Variants in USP35 observed in about 807,000 individuals in gnomAD.
USP35 encodes the protein ubiquitin carboxyl-terminal hydrolase 35.
Under a neutral mutation model 83.8 loss-of-function variants are expected in USP35, and 69 were observed. The ratio of observed to expected loss-of-function variants is 0.82; its 90% CI spans 0.68 to 1.01. The LOEUF is 1.01. Among genes scored for constraint, USP35 ranks in the 50% least tolerant of loss-of-function variants. The pLI, the probability that USP35 is intolerant of heterozygous loss-of-function variation, is 0.00. For synonymous variants in USP35, 714 were observed against 589.5 expected (o/e 1.21, Z -3.06); for missense variants, 1,503 against 1,362.5 (o/e 1.10, Z -1.62).
At chr11:78,230,221 G>C in the USP35 span, among the ~76,000 whole-genome samples, 1 of 152,250 alleles carries the variant, frequency 6.6e-6, no homozygotes, top group Non-Finnish European at 1.5e-5. Context: ...CTGATCAGCA[G>C]ATCAAAGCCC....
chr11:78,201,872 G>A (rs1470365730), intron 6 of USP35, among the ~76,000 whole-genome samples: 2 of 152,182 alleles, frequency 1.3e-5, no homozygotes, highest in Non-Finnish European at 2.9e-5. Flanking sequence ...GGCAGGTTGG[G>A]TGGGGTGAAG....
chr11:78,219,219 G>C, downstream of USP35: 1 of 1,567,042 alleles, frequency 6.4e-7, no homozygotes, highest in East Asian at 2.3e-5. Context: ...AGGGGAGATG[G>C]GAAGGGCCAG....
rs115952352 is a variant in USP35, at chr11:78,197,008, C to T, written c.673+90C>T. ...GGCTGTACGTGTGGATTTGTGCATG[C>T]GGGCGCCCGTGTGGCACGAGTGTGC... On this transcript the variant is annotated intron_variant, in intron 2 of 10. Coordinates refer to ENST00000529308, the MANE Select transcript of USP35 (RefSeq NM_020798.4). 3,004 of 1,377,366 alleles carry T rather than the reference C, an allele frequency of 2.2e-3. 55 individuals carry two copies. In the African/African-American group the frequency reaches 0.041, roughly 19 times the overall value. 85.3% of individuals were successfully genotyped at this position (1,377,366 alleles called of 1,614,324 possible).
chr11:78,219,848 A>G (rs1215039981), downstream of USP35, among the ~76,000 whole-genome samples: 1 of 152,174 alleles, frequency 6.6e-6, no homozygotes, highest in African/African-American at 2.4e-5. Context: ...GCTGAGGCAC[A>G]GCTCTGCACC....
intron 10 of USP35, among the ~76,000 whole-genome samples, chr11:78,212,360 A>T (rs574421689): frequency 2.0e-5 from 3 of 152,324 alleles, no homozygotes; most frequent in African/African-American, 7.2e-5. Flanking sequence ...CATAGTTTGA[A>T]GTCAGGTAGG....
the USP35 span, chr11:78,220,548 C>G: frequency 1.1e-6 from 1 of 932,800 alleles, no homozygotes; most frequent in Admixed American, 2.6e-5. Flanking sequence ...CTGAGCCCTA[C>G]TCTGACACAT....
chr11:78,235,004 T>C, the USP35 span, among the ~76,000 whole-genome samples: 2 of 151,940 alleles, frequency 1.3e-5, no homozygotes, highest in Non-Finnish European at 2.9e-5. Flanking sequence ...AGCGACAGAC[T>C]TTCTCCTCCC....
In USP35 at chr11:78,199,537, C is replaced by G; in HGVS notation, c.807-58C>G. 3.7e-6 allele frequency: 6 copies of G among 1,610,480 alleles called. No individual in the cohort carries two copies. The South Asian group carries it at 5.5e-5, about 15-fold the overall frequency. ...CATTACGGATAGCCCCTGGGCTGCC[C>G]TCACCCCAGCATTTTGGGTGTCCCT... On this transcript the variant is annotated intron_variant, in intron 3 of 10. Transcript: ENST00000529308.
At chr11:78,200,990 T>G (rs1863338945) in intron 6 of USP35, among the ~76,000 whole-genome samples, 182 bp downstream of exon 6, 1 of 152,214 alleles carries the variant, frequency 6.6e-6, no homozygotes, top group African/African-American at 2.4e-5. Context: ...GTTCCCCAAG[T>G]AGGCTGGGCT....
At chr11:78,227,510 A>G in the USP35 span, among the ~76,000 whole-genome samples, 1 of 152,050 alleles carries the variant, frequency 6.6e-6, no homozygotes, top group Non-Finnish European at 1.5e-5. Flanking sequence ...TATTTGGGTC[A>G]GGTGCAGTGT....
chr11:78,217,736 A>G (rs1434908820), downstream of USP35: 2 of 152,218 alleles, frequency 1.3e-5, no homozygotes, highest in Non-Finnish European at 2.9e-5. Context: ...TGGCCTTTCA[A>G]ACCTGGGGAG....
In USP35 at chr11:78,214,932, G is replaced by A. The variant is rs764183413; in HGVS notation, c.*1119G>A. Among the ~76,000 whole-genome samples the A allele has an allele frequency of 6.6e-5, 10 of 152,154 alleles. No individual in the cohort carries two copies. Among genetic ancestry groups the A allele is most frequent in the Non-Finnish European group, 1.5e-4 (10 of 68,022 alleles). ...GGGTGATGCTGCCCGTGGAGAGGATGCACCTGGGAGGCAGCTCTCAAGCCT... is the reference window on the plus strand; with the variant it reads ...GGGTGATGCTGCCCGTGGAGAGGATACACCTGGGAGGCAGCTCTCAAGCCT... On this transcript the variant is annotated 3_prime_UTR_variant, in exon 11 of 11. Transcript: ENST00000529308.
downstream of USP35, chr11:78,216,806 C>CT (rs1357316793): frequency 6.6e-6 from 1 of 152,266 alleles, no homozygotes; most frequent in African/African-American, 2.4e-5. Context: ...GTTAAAAGCT[C>CT]TGTCGTATGG....
rs568719652 is a variant in USP35, at chr11:78,203,201, G to A, written c.1197+2393G>A. 5.9e-5 allele frequency among the ~76,000 whole-genome samples: 9 copies of A among 152,200 alleles called. 1 individual carries two copies. The highest frequency in any genetic ancestry group is 5.9e-5 in the Non-Finnish European group (4 of 68,022). On this transcript the variant is annotated intron_variant, in intron 6 of 10. Transcript: ENST00000529308. ...TCAAGGACCCCGCCTTCTCAACCCC[G>A]CGCCTTGAGAAGATCCTGGAAAGCT...
At chr11:78,227,789 G>A in the USP35 span, among the ~76,000 whole-genome samples, 1 of 151,990 alleles carries the variant, frequency 6.6e-6, no homozygotes. Context: ...AACAGAATGA[G>A]ACCCTGTTTC....
At chr11:78,216,378 G>A (rs535719100), downstream of USP35, 1 of 142,168 alleles carries the variant, frequency 7.0e-6, no homozygotes, top group Non-Finnish European at 1.5e-5. Flanking sequence ...TTTGACCCAT[G>A]GATAGGCCAA....
chr11:78,196,933 G>A lies in USP35; in HGVS notation c.673+15G>A, dbSNP rs565616601. 65 of 1,438,358 alleles carry A rather than the reference G, an allele frequency of 4.5e-5. No homozygotes were observed. Among genetic ancestry groups the A allele is most frequent in the Admixed American group, 1.0e-4 (4 of 38,904 alleles). 89.1% of individuals were successfully genotyped at this position (1,438,358 alleles called of 1,614,324 possible). ...CTCCTGCGCAGGTGCGTGTGCGGCCGGGGCAGGAGCGCGGGCATGCGGAGG... is the reference window on the plus strand; with the variant it reads ...CTCCTGCGCAGGTGCGTGTGCGGCCAGGGCAGGAGCGCGGGCATGCGGAGG... On this transcript the variant is annotated intron_variant, in intron 2 of 10. Transcript: ENST00000529308. The surrounding 1 kb of genome is among the most constrained non-coding windows in gnomAD (Gnocchi z 4.8).
chr11:78,205,751 T>G, intron 6 of USP35, 91 bp from the exon 7 acceptor site: 1 of 1,434,886 alleles, frequency 7.0e-7, no homozygotes, highest in Non-Finnish European at 9.5e-7. Context: ...TGGGGTTGGC[T>G]GTATCTGAGA....
the USP35 span, among the ~76,000 whole-genome samples, chr11:78,236,736 T>C: frequency 6.6e-6 from 1 of 151,136 alleles, no homozygotes; most frequent in East Asian, 1.9e-4. Flanking sequence ...TATATTATTT[T>C]TCTCCTTCAT....
Sources: allele counts gnomAD v4.1 joint callset (sites outside exome capture counted in the v4.1 genomes callset), GRCh38; gene constraint gnomAD v4.1.1; non-coding constraint Gnocchi (gnomAD v3.1); transcripts MANE v1.5; gene names NCBI Gene and HGNC (gene_info 2026-07-23, HGNC 2026-07-21).